Variants in DYM observed in about 807,000 individuals in gnomAD.
DYM encodes the protein dyggve-Melchior-Clausen syndrome protein.
Under a neutral mutation model 93.1 loss-of-function variants are expected in DYM, and 78 were observed. The ratio of observed to expected loss-of-function variants is 0.84; its 90% CI spans 0.70 to 1.01. The LOEUF (loss-of-function observed/expected upper bound fraction) is 1.01, where lower values mean the gene tolerates loss of function less well. Ranked by LOEUF, DYM falls within the 50% of genes least tolerant of loss-of-function variation. DYM has a pLI of 0.00. For synonymous variants in DYM, 321 were observed against 319.7 expected, an observed-to-expected ratio of 1.00 and a Z score of -0.04; for missense variants, 789 against 845.0, an observed-to-expected ratio of 0.93 and a Z score of 0.82.
chr18:49,415,575 A>G (rs1186643328), intron 2 of DYM, among the ~76,000 whole-genome samples: 1 of 152,122 alleles, frequency 6.6e-6, no homozygotes. Context: ...TCTAGTGCTC[A>G]GTACACATAA....
At chr18:49,327,605 C>T (rs571607318) in intron 8 of DYM, among the ~76,000 whole-genome samples, 1 of 152,134 alleles carries the variant, frequency 6.6e-6, no homozygotes, top group Non-Finnish European at 1.5e-5. Flanking sequence ...GATCCACCCA[C>T]GTCAGCCTCC....
intron 17 of DYM, chr18:49,097,088 A>T (rs999636285): frequency 2.1e-5 from 9 of 430,398 alleles, no homozygotes; most frequent in Non-Finnish European, 3.5e-5. Flanking sequence ...CATCTTCATC[A>T]TCACCTTCCC....
At chr18:49,144,547 A>G (rs1013413948) in intron 15 of DYM, among the ~76,000 whole-genome samples, 2 of 152,114 alleles carry the variant, frequency 1.3e-5, no homozygotes, top group East Asian at 1.9e-4. Flanking sequence ...TTACTATCTT[A>G]TTTGAAAGGC....
At chr18:49,353,476 G>GT (rs1409418477) in intron 6 of DYM, among the ~76,000 whole-genome samples, 2 of 151,802 alleles carry the variant, frequency 1.3e-5, no homozygotes, top group Non-Finnish European at 2.9e-5. Flanking sequence ...GTGGGAAGTA[G>GT]TATCTTTAAT....
chr18:49,359,820 G>A (rs914231341), intron 6 of DYM: 14 of 152,182 alleles, frequency 9.2e-5, no homozygotes, highest in Admixed American at 2.6e-4. Flanking sequence ...ATGATGTTCA[G>A]GTGTGAGAGC....
intron 17 of DYM, among the ~76,000 whole-genome samples, chr18:49,090,829 C>T (rs561558165): frequency 6.6e-6 from 1 of 152,206 alleles, no homozygotes; most frequent in East Asian, 1.9e-4. Context: ...AAGAAGAGAA[C>T]CACTGAGAAA....
In DYM at chr18:49,044,004, A is replaced by G. The variant is rs774922634; in HGVS notation, c.*51T>C. ...ACTTCTGTTACCCAGAAATAAAAGAACTTGAAGGGCTGCTTGGCTGGAGGG... is the reference window on the plus strand; with the variant it reads ...ACTTCTGTTACCCAGAAATAAAAGAGCTTGAAGGGCTGCTTGGCTGGAGGG... On this transcript the variant is annotated 3_prime_UTR_variant, in exon 18 of 18. Coordinates refer to ENST00000675505, the MANE Select transcript of DYM (RefSeq NM_001353214.3). 3.7e-6 allele frequency: 6 copies of G among 1,608,550 alleles called. No homozygotes were observed. The Admixed American group carries it at 1.0e-4, about 27-fold the overall frequency.
Position 49,041,006 on chromosome 18 carries a change from C to T in DYM, c.*3049G>A, listed in dbSNP as rs1381138929. ...CTTTCTATCGTCTACTTCCCAGCTC[C>T]TGTGCTTTCCTTCCAGAGAGAACTG... On this transcript the variant is annotated 3_prime_UTR_variant, in exon 18 of 18. Coordinates refer to ENST00000675505, the MANE Select transcript of DYM (RefSeq NM_001353214.3). 6.6e-6 allele frequency among the ~76,000 whole-genome samples: 1 copy of T among 152,242 alleles called. No homozygotes were observed. Among genetic ancestry groups the T allele is most frequent in the East Asian group, 1.9e-4 (1 of 5,206 alleles).
chr18:49,286,602 C>A lies in DYM; in HGVS notation c.778G>T (p.Val260Phe). Residue 260 changes from valine to phenylalanine, a missense_variant, in exon 9 of 18, where the codon GTC becomes TTC. Transcript: ENST00000675505. ...ASGVATGLWT[V>F]FTLGGVGSKA... ...CTGCCCACACCACCTAGTGTGAAGACAGTCCAGAGTCCTGCTGGGGAGGAA... is the reference window on the plus strand; with the variant it reads ...CTGCCCACACCACCTAGTGTGAAGAAAGTCCAGAGTCCTGCTGGGGAGGAA... 6.2e-7 allele frequency: 1 copy of A among 1,613,960 alleles called. No homozygotes were observed. Among genetic ancestry groups the A allele is most frequent in the Non-Finnish European group, 8.5e-7 (1 of 1,179,970 alleles).
At chr18:49,137,366 G>A (rs1284835233) in intron 15 of DYM, among the ~76,000 whole-genome samples, 2 of 152,170 alleles carry the variant, frequency 1.3e-5, no homozygotes, top group Non-Finnish European at 2.9e-5. Context: ...ACCTGACTCT[G>A]CTAAATAATC....
At chr18:49,071,195 T>C (rs1422041515) in intron 17 of DYM, among the ~76,000 whole-genome samples, 4 of 152,218 alleles carry the variant, frequency 2.6e-5, no homozygotes, top group Non-Finnish European at 5.9e-5. Flanking sequence ...GACTGATATT[T>C]ATTTAATGGC....
rs2065419753 is a variant in DYM at position 49,355,017 on chromosome 18, C to T, written c.494+8144G>A. On this transcript the variant is annotated intron_variant, in intron 6 of 17. Transcript: ENST00000675505. ...AAATTAAACATATTTTAACCATCAT[C>T]CTTTGATCTACTCTGTATGATATGA... 1.4e-5 allele frequency among the ~76,000 whole-genome samples: 2 copies of T among 147,270 alleles called. 1 individual carries two copies. The highest frequency in any genetic ancestry group is 3.0e-5 in the Non-Finnish European group (2 of 66,552).
At chr18:49,059,990 G>A (rs2075819787) in intron 17 of DYM, among the ~76,000 whole-genome samples, 1 of 152,036 alleles carries the variant, frequency 6.6e-6, no homozygotes, top group Non-Finnish European at 1.5e-5. Context: ...AAATTATAGG[G>A]TGACGTTTTG....
At position 49,378,653 on chromosome 18, in the gene DYM, C is replaced by G. The variant is rs1226171012; in HGVS notation, c.335G>C (p.Cys112Ser). ...QTHNALFIIC[C>S]LLKVFICQMS... ...CTGACAGATGAACACTTTCAGCAAA[C>G]AGCAAATAATAAACAAAGCATTGTG... The change falls in exon 5 of 18, where the codon TGT (cysteine) becomes TCT (serine). Residue 112 changes from cysteine (C) to serine (S), a missense_variant. Physicochemically the swap from Cys to Ser is moderately radical, Grantham distance 112. Around this residue, in one of 3 missense-constraint regions of DYM, gnomAD observed 450 missense variants for 436.2 expected, o/e 1.03. Transcript: ENST00000675505. 1.9e-6 allele frequency: 3 copies of G among 1,613,318 alleles called. No individual in the cohort carries two copies. The highest frequency in any genetic ancestry group is 1.3e-5 in the African/African-American group (1 of 75,004).
At chr18:49,056,382 C>T (rs544096374) in intron 17 of DYM, among the ~76,000 whole-genome samples, 5 of 152,216 alleles carry the variant, frequency 3.3e-5, no homozygotes, top group African/African-American at 4.8e-5. Context: ...AGAAATCAAA[C>T]AGGATTTGGC....
At chr18:49,376,705 C>T (rs1281456896) in intron 5 of DYM, among the ~76,000 whole-genome samples, 1 of 152,218 alleles carries the variant, frequency 6.6e-6, no homozygotes, top group Non-Finnish European at 1.5e-5. Context: ...AGGCGATAGA[C>T]TCCTTGGACA....
intron 17 of DYM, among the ~76,000 whole-genome samples, chr18:49,088,675 A>T (rs913923121): frequency 1.3e-5 from 2 of 152,220 alleles, no homozygotes; most frequent in African/African-American, 4.8e-5. Context: ...TGTCAAACTC[A>T]AGGACTTAAT....
chr18:49,132,950 A>T (rs1166658643), intron 15 of DYM, among the ~76,000 whole-genome samples: 1 of 152,236 alleles, frequency 6.6e-6, no homozygotes, highest in African/African-American at 2.4e-5. Context: ...CGCAAGAATA[A>T]TGTACAATAG....
At chr18:49,450,735 T>C (rs77892945) in intron 1 of DYM, among the ~76,000 whole-genome samples, 13,887 of 152,252 alleles carry the variant, frequency 0.091, 857 homozygotes, top group East Asian at 0.31. Flanking sequence ...CAAAATTGTA[T>C]GGGATTTCTA....
Sources: gnomAD v4.1 joint callset for allele counts (sites outside exome capture counted in the v4.1 genomes callset) on GRCh38, gnomAD v4.1.1 for gene constraint, gnomAD v4.1.1 regional missense constraint, MANE v1.5 for transcripts, NCBI Gene and HGNC (gene_info 2026-07-23, HGNC 2026-07-21) for gene names.